SPAG9: variants seen among roughly 807,000 people sequenced by gnomAD.
The protein encoded by SPAG9 is C-Jun-amino-terminal kinase-interacting protein 4.
SPAG9 carries 35 observed loss-of-function variants against 166.5 expected under a neutral mutation model. The observed-to-expected ratio is 0.21, with a 90% CI of 0.16 to 0.28. SPAG9 has a LOEUF of 0.28. Ranked by LOEUF, SPAG9 falls within the 10% of genes least tolerant of loss-of-function variation. The probability of loss-of-function intolerance (pLI) is 1.00; values close to 1 mark genes in which losing one functional copy is unlikely to be tolerated. For synonymous variants in SPAG9, 534 were observed against 565.5 expected (o/e 0.94, Z 0.79); for missense variants, 1,235 against 1,603.3 (o/e 0.77, Z 3.92).
chr17:51,077,029 T>TCTATCTAG (rs1365726247), intron 2 of SPAG9, among the ~76,000 whole-genome samples: 3 of 65,274 alleles, frequency 4.6e-5, no homozygotes, highest in Non-Finnish European at 1.1e-4. Flanking sequence ...TATCTAGCTA[T>TCTATCTAG]CTATCTAGCT....
At chr17:51,108,551 C>T (rs2144768007) in intron 1 of SPAG9, among the ~76,000 whole-genome samples, 1 of 152,220 alleles carries the variant, frequency 6.6e-6, no homozygotes, top group East Asian at 1.9e-4. Flanking sequence ...TGCCAGAGTG[C>T]AGTGGCACAA....
At chr17:51,015,481 T>C (rs2045658445) in intron 8 of SPAG9, among the ~76,000 whole-genome samples, 1 of 152,104 alleles carries the variant, frequency 6.6e-6, no homozygotes, top group African/African-American at 2.4e-5. Context: ...CATTATTTAC[T>C]TAAGTATGAA....
intron 4 of SPAG9, chr17:51,042,568 GT>G (rs2046879900): frequency 6.6e-6 from 1 of 152,190 alleles, no homozygotes; most frequent in African/African-American, 2.4e-5. Flanking sequence ...AAGAATGTAA[GT>G]TAGAATAAAA....
intron 13 of SPAG9, among the ~76,000 whole-genome samples, chr17:51,000,400 T>C (rs2044881682): frequency 6.6e-6 from 1 of 152,214 alleles, no homozygotes; most frequent in African/African-American, 2.4e-5. Context: ...CTTTAATTTG[T>C]TGACTACCAC....
At position 50,966,119 on chromosome 17, in the gene SPAG9, G is replaced by A; in HGVS notation, c.*153C>T. On this transcript the variant is annotated 3_prime_UTR_variant, in exon 30 of 30. Coordinates refer to ENST00000262013, the MANE Select transcript of SPAG9 (RefSeq NM_001130528.3). ...CTAGTTCCTCTGTATTGTTATGGTAGAACGGATTTTGTAATATAAAGTTAA... is the reference window on the plus strand; with the variant it reads ...CTAGTTCCTCTGTATTGTTATGGTAAAACGGATTTTGTAATATAAAGTTAA... The A allele has an allele frequency of 1.6e-6, 1 of 644,008 alleles. No individual in the cohort carries two copies. Among genetic ancestry groups the A allele is most frequent in the African/African-American group, 1.8e-5 (1 of 55,512 alleles). The allele number at this position is 644,008 out of a possible 1,614,324, so 39.9% of individuals were successfully genotyped here. A position where few individuals can be genotyped will look rare whatever the true frequency, so the allele number is the denominator to read the frequency against.
Position 50,989,722 on chromosome 17 carries a change from A to G in SPAG9, c.2768T>C (p.Leu923Ser). 6.2e-7 allele frequency: 1 copy of G among 1,614,216 alleles called. No homozygotes were observed. The highest frequency in any genetic ancestry group is 8.5e-7 in the Non-Finnish European group (1 of 1,180,038). Residue 923 changes from leucine (L) to serine (S), a missense_variant, in exon 21 of 30, where the codon TTG (leucine) becomes TCG (serine). By Grantham distance (145) the Leu-to-Ser change is moderately radical (BLOSUM62 -2). This residue lies in a region of SPAG9 where 493 missense variants were observed against 559.4 expected (regional missense o/e 0.88). Coordinates refer to ENST00000262013, the MANE Select transcript of SPAG9 (RefSeq NM_001130528.3). ...VYTEHVFTDP[L>S]GVQIPEDLSP... ...GAGGTCTTCTGGGATCTGAACTCCC[A>G]AAGGATCTGTAAAGACATGCTCTGT...
chr17:51,089,669 TAC>T (rs1243008952), intron 1 of SPAG9, among the ~76,000 whole-genome samples: 2 of 102,868 alleles, frequency 1.9e-5, no homozygotes, highest in South Asian at 3.3e-4. Context: ...TATATACACA[TAC>T]ACACACACAC....
chr17:51,029,908 T>C (rs1334729772), intron 6 of SPAG9, among the ~76,000 whole-genome samples: 1 of 152,148 alleles, frequency 6.6e-6, no homozygotes, highest in Non-Finnish European at 1.5e-5. Context: ...TACTTAAAAA[T>C]GGTTAAAATG....
chr17:50,970,592 G>A, intron 29 of SPAG9, 115 bp downstream of exon 29: 2 of 763,966 alleles, frequency 2.6e-6, no homozygotes, highest in Non-Finnish European at 3.9e-6. Context: ...CGTGTGTAAA[G>A]AGCTCAAAGA....
At chr17:51,076,380 G>A (rs2047970770) in intron 2 of SPAG9, among the ~76,000 whole-genome samples, 2 of 151,916 alleles carry the variant, frequency 1.3e-5, no homozygotes, top group South Asian at 2.1e-4. Context: ...CAGCGATCCT[G>A]CCACTGCACA....
intron 1 of SPAG9, among the ~76,000 whole-genome samples, chr17:51,119,356 A>G (rs934318771): frequency 3.9e-5 from 6 of 152,174 alleles, no homozygotes; most frequent in African/African-American, 1.4e-4. Flanking sequence ...CAGGTGTGCT[A>G]GGTGCTTGAG....
At chr17:51,017,757 T>C (rs1347205450) in intron 8 of SPAG9, among the ~76,000 whole-genome samples, 1 of 152,162 alleles carries the variant, frequency 6.6e-6, no homozygotes, top group African/African-American at 2.4e-5. Context: ...CATTTTGCAA[T>C]GATTTATCAT....
chr17:51,068,657 A>C (rs914526368), intron 2 of SPAG9, among the ~76,000 whole-genome samples: 3 of 152,150 alleles, frequency 2.0e-5, no homozygotes, highest in African/African-American at 7.2e-5. Flanking sequence ...TAATCTTCCA[A>C]AATAACAGAC....
intron 2 of SPAG9, among the ~76,000 whole-genome samples, chr17:51,068,526 A>G (rs1478943069): frequency 1.3e-5 from 2 of 152,172 alleles, no homozygotes; most frequent in Non-Finnish European, 2.9e-5. Context: ...TCTCCTACCT[A>G]AAGTCTCTAC....
chr17:51,044,264 T>C (rs2046943392), intron 4 of SPAG9, among the ~76,000 whole-genome samples: 1 of 152,176 alleles, frequency 6.6e-6, no homozygotes. Context: ...CAGTACTATG[T>C]TGGCATGCAT....
chr17:51,120,320 G>A lies in SPAG9; in HGVS notation c.303+34C>T, dbSNP rs1424954275. ...CCCGCCCCGGCCGCCCCCGGAGACG[G>A]ATCCCGCGGCCCCCGCCCTGCCGCC... On this transcript the variant is annotated intron_variant, in intron 1 of 29. Coordinates refer to ENST00000262013, the MANE Select transcript of SPAG9 (RefSeq NM_001130528.3). This position sits in a 1 kb window ranked among gnomAD's most constrained non-coding sequence, Gnocchi z 4.7. 6.0e-6 allele frequency: 9 copies of A among 1,498,368 alleles called. No individual in the cohort carries two copies. Among genetic ancestry groups the A allele is most frequent in the Non-Finnish European group, 8.0e-6 (9 of 1,123,916 alleles). 92.8% of individuals were successfully genotyped at this position (1,498,368 alleles called of 1,614,324 possible). A position where few individuals can be genotyped will look rare whatever the true frequency, so the allele number is the denominator to read the frequency against.
At chr17:51,031,981 C>T in intron 5 of SPAG9, 2 of 588,238 alleles carry the variant, frequency 3.4e-6, no homozygotes, top group Admixed American at 2.2e-5. Context: ...ATTGTTTAAC[C>T]TTTTTTTTCT....
At chr17:51,094,751 G>A (rs2048564525) in intron 1 of SPAG9, among the ~76,000 whole-genome samples, 1 of 152,110 alleles carries the variant, frequency 6.6e-6, no homozygotes, top group African/African-American at 2.4e-5. Context: ...ATTACATTTG[G>A]ATAATATATC....
chr17:51,000,558 A>T (rs1451372935), intron 13 of SPAG9, among the ~76,000 whole-genome samples: 2 of 151,962 alleles, frequency 1.3e-5, no homozygotes, highest in African/African-American at 2.4e-5. Context: ...ACATGGTGAA[A>T]CCCTGTCTCT....
Sources: gnomAD v4.1 joint callset for allele counts (sites outside exome capture counted in the v4.1 genomes callset) on GRCh38, gnomAD v4.1.1 for gene constraint, gnomAD v4.1.1 regional missense constraint, Gnocchi (gnomAD v3.1) non-coding constraint, MANE v1.5 for transcripts, NCBI Gene and HGNC (gene_info 2026-07-23, HGNC 2026-07-21) for gene names.